TRHDE: variants seen among roughly 807,000 people sequenced by gnomAD.
TRHDE encodes thyrotropin-releasing hormone-degrading ectoenzyme.
TRHDE carries 72 observed loss-of-function variants against 125.7 expected under a neutral mutation model. That is an observed-to-expected ratio of 0.57 (90% CI 0.47 to 0.70). The LOEUF (loss-of-function observed/expected upper bound fraction) is 0.70, where lower values mean the gene tolerates loss of function less well. TRHDE is among the 30% of genes least tolerant of loss of function. The probability of loss-of-function intolerance (pLI) is 0.00; values close to 1 mark genes in which losing one functional copy is unlikely to be tolerated. For synonymous variants in TRHDE, 509 were observed against 509.1 expected (o/e 1.00, Z 0.00); for missense variants, 1,110 against 1,327.1 (o/e 0.84, Z 2.54).
intron 2 of TRHDE, among the ~76,000 whole-genome samples, chr12:72,244,032 T>C (rs1302499526): frequency 2.0e-5 from 3 of 152,182 alleles, no homozygotes; most frequent in South Asian, 4.1e-4. Context: ...TCTGTTCATG[T>C]AGACTACATC....
At chr12:72,314,022 T>C (rs188749206) in intron 2 of TRHDE, among the ~76,000 whole-genome samples, 8 of 152,304 alleles carry the variant, frequency 5.3e-5, no homozygotes, top group Non-Finnish European at 1.0e-4. Flanking sequence ...ATGAAGCTCA[T>C]GCTGCCTGCT....
intron 3 of TRHDE, among the ~76,000 whole-genome samples, chr12:72,405,377 T>C (rs990480871): frequency 6.6e-6 from 1 of 152,216 alleles, no homozygotes; most frequent in Admixed American, 6.5e-5. Flanking sequence ...TTACTATGTT[T>C]ATGATGTCTT....
At chr12:72,432,275 C>G (rs111275785) in intron 3 of TRHDE, among the ~76,000 whole-genome samples, 4,386 of 152,222 alleles carry the variant, frequency 0.029, 86 homozygotes, top group Non-Finnish European at 0.041. Context: ...GGCCAGAGAA[C>G]AGCCCCAAGA....
At chr12:72,576,563 A>C (rs548741581) in intron 12 of TRHDE, among the ~76,000 whole-genome samples, 7 of 152,258 alleles carry the variant, frequency 4.6e-5, no homozygotes, top group Admixed American at 1.3e-4. Context: ...GTTTGGGATC[A>C]AATTACAGAG....
At chr12:72,328,641 G>A (rs983293735) in intron 2 of TRHDE, among the ~76,000 whole-genome samples, 1 of 152,056 alleles carries the variant, frequency 6.6e-6, no homozygotes, top group Non-Finnish European at 1.5e-5. Flanking sequence ...GAGATAAACT[G>A]TACTACACAT....
chr12:72,447,072 A>G (rs1297422087), intron 3 of TRHDE, among the ~76,000 whole-genome samples: 4 of 152,198 alleles, frequency 2.6e-5, no homozygotes, highest in African/African-American at 9.6e-5. Context: ...CATTCTTCTC[A>G]GCACTGCATC....
intron 2 of TRHDE, among the ~76,000 whole-genome samples, chr12:72,184,621 GTCT>G (rs1474701937): frequency 2.6e-5 from 4 of 151,964 alleles, no homozygotes; most frequent in Non-Finnish European, 5.9e-5. Flanking sequence ...ATATTTTTCT[GTCT>G]TCTTTCCTGT....
intron 15 of TRHDE, among the ~76,000 whole-genome samples, chr12:72,648,970 A>G (rs1316035687): frequency 6.6e-6 from 1 of 152,086 alleles, no homozygotes; most frequent in Non-Finnish European, 1.5e-5. Context: ...TTGCAATACT[A>G]TCCAAAGCAA....
At chr12:72,161,113 T>C (rs928255242) in intron 2 of TRHDE, among the ~76,000 whole-genome samples, 1 of 152,138 alleles carries the variant, frequency 6.6e-6, no homozygotes, top group Non-Finnish European at 1.5e-5. Context: ...TTGCCACTAA[T>C]AGTATGTGTT....
chr12:72,537,202 A>ATAGTT (rs1248873858), intron 6 of TRHDE, among the ~76,000 whole-genome samples: 4 of 152,072 alleles, frequency 2.6e-5, no homozygotes, highest in Non-Finnish European at 5.9e-5. Flanking sequence ...TGTAGTACAA[A>ATAGTT]TAGTTAATGA....
intron 3 of TRHDE, among the ~76,000 whole-genome samples, chr12:72,465,733 T>TATC (rs1202827049): frequency 1.3e-5 from 2 of 152,222 alleles, no homozygotes; most frequent in African/African-American, 4.8e-5. Context: ...ATTATAAACC[T>TATC]ATCATATAAG....
At chr12:72,481,375 TAA>T (rs748910207) in intron 5 of TRHDE, among the ~76,000 whole-genome samples, 16 of 141,056 alleles carry the variant, frequency 1.1e-4, no homozygotes, top group African/African-American at 2.6e-4. Flanking sequence ...AAGAGAAAGT[TAA>T]AAAAAAAAAA....
At chr12:72,424,842 A>G (rs891171510) in intron 3 of TRHDE, among the ~76,000 whole-genome samples, 2 of 152,176 alleles carry the variant, frequency 1.3e-5, no homozygotes, top group African/African-American at 4.8e-5. Context: ...TTTAATAAGT[A>G]TTTAGTAAAA....
chr12:72,340,127 T>G (rs1196946919), intron 2 of TRHDE, among the ~76,000 whole-genome samples: 1 of 152,164 alleles, frequency 6.6e-6, no homozygotes, highest in Non-Finnish European at 1.5e-5. Flanking sequence ...ACAAACTTTC[T>G]GTATGCAACT....
At chr12:72,229,161 G>A (rs1470531421) in intron 2 of TRHDE, among the ~76,000 whole-genome samples, 7 of 152,036 alleles carry the variant, frequency 4.6e-5, no homozygotes, top group African/African-American at 1.7e-4. Context: ...CCATTCTCAT[G>A]CTGCTAAAAA....
intron 2 of TRHDE, among the ~76,000 whole-genome samples, chr12:72,247,312 A>C (rs927459963): frequency 3.9e-5 from 6 of 152,198 alleles, no homozygotes; most frequent in African/African-American, 1.2e-4. Flanking sequence ...TGCATGGTTT[A>C]ATCCATGGAT....
intron 2 of TRHDE, among the ~76,000 whole-genome samples, chr12:72,124,565 T>C (rs1216609764): frequency 6.6e-6 from 1 of 152,192 alleles, no homozygotes; most frequent in African/African-American, 2.4e-5. Context: ...AGTCTGATAA[T>C]GTCAAGGATC....
At chr12:72,245,660 C>T (rs545335744) in intron 2 of TRHDE, among the ~76,000 whole-genome samples, 1 of 152,018 alleles carries the variant, frequency 6.6e-6, no homozygotes, top group South Asian at 2.1e-4. Flanking sequence ...CATGGAAATA[C>T]ACAATTTAAT....
intron 7 of TRHDE, among the ~76,000 whole-genome samples, chr12:72,543,181 A>G (rs1467456098): frequency 1.3e-5 from 2 of 151,436 alleles, no homozygotes; most frequent in African/African-American, 4.8e-5. Context: ...AAATTTAAAT[A>G]AACTACATCT....
Sources: gnomAD v4.1 joint callset for allele counts (sites outside exome capture counted in the v4.1 genomes callset) on GRCh38, gnomAD v4.1.1 for gene constraint, MANE v1.5 for transcripts, NCBI Gene and HGNC (gene_info 2026-07-23, HGNC 2026-07-21) for gene names.